Variants in DOCK5 observed in about 807,000 individuals in gnomAD.
DOCK5 encodes the protein dedicator of cytokinesis protein 5.
DOCK5 carries 142 observed loss-of-function variants against 251.8 expected under a neutral mutation model. The observed-to-expected ratio is 0.56, with a 90% CI of 0.49 to 0.65. The LOEUF is 0.65. Ranked by LOEUF, DOCK5 falls within the 30% of genes least tolerant of loss-of-function variation. DOCK5 has a pLI of 0.00. For missense variants in DOCK5, 2,111 were observed against 2,312.3 expected (o/e 0.91, Z 1.79); for synonymous variants, 842 against 835.5 (o/e 1.01, Z -0.13).
intron 1 of DOCK5, among the ~76,000 whole-genome samples, chr8:25,190,775 G>GCTTTTTTTTTTT (rs755511798): frequency 3.7e-5 from 2 of 53,980 alleles, no homozygotes; most frequent in African/African-American, 6.7e-5. Flanking sequence ...CTTGGTCATG[G>GCTTTTTTTTTTT]GTTTTTTTTT....
At chr8:25,199,418 T>C (rs895736729) in intron 1 of DOCK5, among the ~76,000 whole-genome samples, 3 of 149,132 alleles carry the variant, frequency 2.0e-5, no homozygotes, top group Non-Finnish European at 4.4e-5. Context: ...GAGTCTTGCT[T>C]TGTTGCCCAG....
At chr8:25,316,940 G>GT in intron 13 of DOCK5, 67 bp from the exon 14 acceptor site, 2 of 1,586,892 alleles carry the variant, frequency 1.3e-6, no homozygotes, top group Non-Finnish European at 1.7e-6. Flanking sequence ...CTTTTATGTC[G>GT]TATGACATTC....
intron 9 of DOCK5, among the ~76,000 whole-genome samples, chr8:25,300,900 CATA>C (rs1321785734): frequency 3.3e-5 from 5 of 152,196 alleles, no homozygotes; most frequent in Non-Finnish European, 7.4e-5. Flanking sequence ...TGGTAAGACA[CATA>C]ATAAACAATA....
chr8:25,184,923 C>T lies in DOCK5; in HGVS notation c.15C>T (p.Ile5=). 1 of 1,442,262 alleles carries T rather than the reference C, an allele frequency of 6.9e-7. No homozygotes were observed. The highest frequency in any genetic ancestry group is 9.2e-7 in the Non-Finnish European group (1 of 1,087,786). The allele number at this position is 1,442,262 out of a possible 1,614,324, so 89.3% of individuals were successfully genotyped here. A position where few individuals can be genotyped will look rare whatever the true frequency, so the allele number is the denominator to read the frequency against. MARW[I]PTKRQKYGVA... is the part of the protein sequence containing the mutation. The stretch of plus-strand genomic sequence containing the variant: ...AGGTCGCCGCCATGGCCCGCTGGAT[C>T]CCGACCAAGAGGCAGAAGTACGGGG... The change falls in exon 1 of 52, where the codon ATC becomes ATT. Residue 5 remains isoleucine, a synonymous_variant. Coordinates refer to ENST00000276440, the MANE Select transcript of DOCK5 (RefSeq NM_024940.8).
chr8:25,286,109 T>C (rs1318901853), intron 5 of DOCK5, among the ~76,000 whole-genome samples: 3 of 152,118 alleles, frequency 2.0e-5, no homozygotes, highest in Non-Finnish European at 4.4e-5. Flanking sequence ...GGAAGCGTGT[T>C]TGGGGCAGTG....
intron 5 of DOCK5, among the ~76,000 whole-genome samples, chr8:25,282,824 T>C (rs1235062524): frequency 8.9e-6 from 1 of 111,904 alleles, no homozygotes; most frequent in Non-Finnish European, 1.7e-5. Flanking sequence ...CATTCCAGCC[T>C]GGGTGACACA....
At chr8:25,257,817 TAAC>T (rs1321682172) in intron 2 of DOCK5, among the ~76,000 whole-genome samples, 3 of 152,164 alleles carry the variant, frequency 2.0e-5, no homozygotes, top group Non-Finnish European at 2.9e-5. Context: ...ATGCTGATGA[TAAC>T]AAAACCAGCA....
intron 11 of DOCK5, among the ~76,000 whole-genome samples, chr8:25,307,472 A>G (rs780616237): frequency 1.4e-4 from 22 of 152,328 alleles, no homozygotes; most frequent in South Asian, 1.2e-3. Context: ...TGTCATTGAC[A>G]GAAACATTGT....
intron 45 of DOCK5, among the ~76,000 whole-genome samples, chr8:25,398,598 TG>T (rs1288926237): frequency 6.6e-6 from 1 of 152,200 alleles, no homozygotes; most frequent in African/African-American, 2.4e-5. Context: ...TCTCTCGTCC[TG>T]GCTTCTGGTG....
intron 5 of DOCK5, among the ~76,000 whole-genome samples, chr8:25,280,610 C>T (rs193064586): frequency 3.3e-5 from 5 of 152,312 alleles, no homozygotes; most frequent in African/African-American, 9.6e-5. Context: ...CAATCTATAA[C>T]GTTTCCCTCT....
rs746858108 is a variant in DOCK5, at chr8:25,389,243, C to CCG, written c.4273+11_4273+12insCG. 2 of 1,611,296 alleles carry CCG rather than the reference C, an allele frequency of 1.2e-6. No individual in the cohort carries two copies. The highest frequency in any genetic ancestry group is 1.7e-6 in the Non-Finnish European group (2 of 1,178,008). ...CGTCCCCCAAGCAGTGTATCCTTTC[C>CCG]GGGGGGAGTATGGCCCCGAGGCTCT... On this transcript the variant is annotated intron_variant, in intron 41 of 51. Transcript: ENST00000276440.
At chr8:25,404,473 C>G (rs1801491512) in intron 48 of DOCK5, among the ~76,000 whole-genome samples, 1 of 152,174 alleles carries the variant, frequency 6.6e-6, no homozygotes, top group Admixed American at 6.5e-5. Flanking sequence ...ACCTGTTCAG[C>G]ATCCCTAATC....
In DOCK5 at chr8:25,275,663, C is replaced by T. The variant is rs551437765; in HGVS notation, c.224+222C>T. Among the ~76,000 whole-genome samples, 332 of 152,164 alleles carry T rather than the reference C, an allele frequency of 2.2e-3. 1 individual carries two copies. Among genetic ancestry groups the T allele is most frequent in the African/African-American group, 7.8e-3 (324 of 41,532 alleles). On this transcript the variant is annotated intron_variant, in intron 4 of 51. Coordinates refer to ENST00000276440, the MANE Select transcript of DOCK5 (RefSeq NM_024940.8). ...CAGCCTGGCCAACATGGTAAAACCC[C>T]CATCTCTACTAAAAATACAAAAGTT...
rs752229800 is a variant in DOCK5, at chr8:25,363,161, G to C, written c.3044+20G>C. ...AAACAGGTGAGACAGCCCATGGCTG[G>C]CCCTGAGGCATTTGTCTGAATACCT... On this transcript the variant is annotated intron_variant, in intron 29 of 51. Transcript: ENST00000276440. 3.1e-6 allele frequency: 5 copies of C among 1,605,560 alleles called. No homozygotes were observed. Among genetic ancestry groups the C allele is most frequent in the Non-Finnish European group, 4.3e-6 (5 of 1,172,624 alleles).
Position 25,200,725 on chromosome 8 carries a change from C to T in DOCK5, c.43+15774C>T, listed in dbSNP as rs564954012. On this transcript the variant is annotated intron_variant, in intron 1 of 51. Transcript: ENST00000276440. ...CTGCCATTCAGTTAGTTACTTATGA[C>T]CATCTCTTTGTTAATCAACAAAAAC... 6.7e-4 allele frequency among the ~76,000 whole-genome samples: 102 copies of T among 152,318 alleles called. No homozygotes were observed. In the South Asian group the frequency reaches 0.021, roughly 32 times the overall value.
chr8:25,301,158 T>C (rs531207745), intron 9 of DOCK5, among the ~76,000 whole-genome samples: 3 of 152,224 alleles, frequency 2.0e-5, no homozygotes, highest in Non-Finnish European at 4.4e-5. Flanking sequence ...TAAATACTTA[T>C]GTATAGGAAA....
chr8:25,207,315 T>G (rs914133391), intron 1 of DOCK5, among the ~76,000 whole-genome samples: 2 of 152,162 alleles, frequency 1.3e-5, no homozygotes, highest in African/African-American at 4.8e-5. Flanking sequence ...GAAGATCTAG[T>G]GAAGATATTG....
At chr8:25,248,562 CTG>C (rs1423170500) in intron 2 of DOCK5, among the ~76,000 whole-genome samples, 1 of 152,090 alleles carries the variant, frequency 6.6e-6, no homozygotes, top group Non-Finnish European at 1.5e-5. Context: ...CATACCAGAT[CTG>C]TGTGTGTTTT....
Position 25,292,182 on chromosome 8 carries a change from C to A in DOCK5, c.470+10C>A, listed in dbSNP as rs933225558. 1 of 1,553,848 alleles carries A rather than the reference C, an allele frequency of 6.4e-7. No individual in the cohort carries two copies. The highest frequency in any genetic ancestry group is 8.7e-7 in the Non-Finnish European group (1 of 1,150,686). On this transcript the variant is annotated intron_variant, in intron 6 of 51. Transcript: ENST00000276440. Reference sequence around the variant, plus strand: ...TTGATCATGGGAACAGGTAGGTAAACCAGGGATGGCTTTTCACTGAAAACT... The same window carrying A: ...TTGATCATGGGAACAGGTAGGTAAAACAGGGATGGCTTTTCACTGAAAACT...
Sources: allele counts gnomAD v4.1 joint callset (sites outside exome capture counted in the v4.1 genomes callset), GRCh38; gene constraint gnomAD v4.1.1; transcripts MANE v1.5; gene names NCBI Gene and HGNC (gene_info 2026-07-23, HGNC 2026-07-21).